Variants in SUPT3H observed in about 807,000 individuals in gnomAD.
SUPT3H encodes the protein transcription initiation protein SPT3 homolog.
A neutral mutation model predicts 44.3 loss-of-function variants in SUPT3H; 44 were observed. The observed-to-expected ratio is 0.99, with a 90% confidence interval of 0.78 to 1.28. The LOEUF (loss-of-function observed/expected upper bound fraction) is 1.28, where lower values mean the gene tolerates loss of function less well. Among genes scored for constraint, SUPT3H ranks in the 50% most tolerant of loss-of-function variants. The pLI, the probability that SUPT3H is intolerant of heterozygous loss-of-function variation, is 0.00. For missense variants in SUPT3H, 380 were observed against 387.1 expected, an observed-to-expected ratio of 0.98 and a Z score of 0.15; for synonymous variants, 124 against 125.6, an observed-to-expected ratio of 0.99 and a Z score of 0.09.
intron 6 of SUPT3H, among the ~76,000 whole-genome samples, chr6:44,997,352 G>A (rs1257401561): frequency 6.6e-6 from 1 of 151,626 alleles, no homozygotes; most frequent in Non-Finnish European, 1.5e-5. Context: ...TTAAAAATGA[G>A]TTACATATTT....
At chr6:45,054,168 G>A (rs34152708) in intron 3 of SUPT3H, among the ~76,000 whole-genome samples, 19,961 of 151,760 alleles carry the variant, frequency 0.13, 1,560 homozygotes, top group East Asian at 0.26. Flanking sequence ...CATGAACCTT[G>A]CAATGACTGA....
intron 2 of SUPT3H, among the ~76,000 whole-genome samples, chr6:45,155,059 T>C (rs761759184): frequency 8.5e-5 from 13 of 152,132 alleles, no homozygotes; most frequent in Non-Finnish European, 1.8e-4. Flanking sequence ...ACAACAAAAT[T>C]AGTGTGAAAC....
In SUPT3H at chr6:45,014,789, T is replaced by C; in HGVS notation, c.364+12A>G. The stretch of plus-strand genomic sequence containing the variant: ...AAGCTCATGTTTTAGTTTTGTGTTT[T>C]GTTTTGGTTACCTTCGAGAAGATCA... On this transcript the variant is annotated intron_variant, in intron 5 of 10. Transcript: ENST00000371459. 6.4e-7 allele frequency: 1 copy of C among 1,559,668 alleles called. No homozygotes were observed. The highest frequency in any genetic ancestry group is 8.6e-7 in the Non-Finnish European group (1 of 1,157,228).
At chr6:45,064,981 C>A (rs1319185737) in intron 3 of SUPT3H, among the ~76,000 whole-genome samples, 10 of 150,836 alleles carry the variant, frequency 6.6e-5, no homozygotes, top group African/African-American at 2.4e-4. Context: ...CTACAGAACT[C>A]TCCACCCCAA....
At chr6:45,347,480 T>TGATG (rs1791122586) in intron 2 of SUPT3H, among the ~76,000 whole-genome samples, 1 of 152,168 alleles carries the variant, frequency 6.6e-6, no homozygotes, top group Non-Finnish European at 1.5e-5. Flanking sequence ...CCATGTATCA[T>TGATG]TATAGGCAAG....
At chr6:44,933,120 T>C (rs1770858295) in intron 9 of SUPT3H, among the ~76,000 whole-genome samples, 1 of 152,188 alleles carries the variant, frequency 6.6e-6, no homozygotes, top group African/African-American at 2.4e-5. Context: ...TTTTAACATT[T>C]ATTATTATAA....
intron 3 of SUPT3H, among the ~76,000 whole-genome samples, chr6:45,087,110 A>G (rs940175400): frequency 6.6e-6 from 1 of 152,004 alleles, no homozygotes; most frequent in Non-Finnish European, 1.5e-5. Context: ...GGCTACATAA[A>G]GCATAGCAAA....
At chr6:44,939,572 T>A (rs1772061349) in intron 9 of SUPT3H, among the ~76,000 whole-genome samples, 1 of 152,162 alleles carries the variant, frequency 6.6e-6, no homozygotes, top group Non-Finnish European at 1.5e-5. Context: ...GGTAATGACC[T>A]CATAGAATTA....
intron 9 of SUPT3H, among the ~76,000 whole-genome samples, chr6:44,947,265 G>T (rs931193854): frequency 6.6e-6 from 1 of 152,072 alleles, no homozygotes; most frequent in African/African-American, 2.4e-5. Context: ...AAACAAACCT[G>T]CAATATCTCT....
At chr6:44,977,406 A>G (rs1374920161) in intron 6 of SUPT3H, among the ~76,000 whole-genome samples, 3 of 152,188 alleles carry the variant, frequency 2.0e-5, no homozygotes, top group Non-Finnish European at 4.4e-5. Flanking sequence ...TTACATTTCC[A>G]TTTATAGAAG....
intron 2 of SUPT3H, among the ~76,000 whole-genome samples, chr6:45,302,383 A>G (rs1182052532): frequency 6.6e-6 from 1 of 151,212 alleles, no homozygotes; most frequent in Admixed American, 6.6e-5. Flanking sequence ...GAGTTACTTC[A>G]TTTAGAATAA....
intron 10 of SUPT3H, among the ~76,000 whole-genome samples, chr6:44,856,935 C>T (rs1445389729): frequency 6.6e-6 from 1 of 152,100 alleles, no homozygotes; most frequent in Non-Finnish European, 1.5e-5. Flanking sequence ...TGTAATAAAT[C>T]ATGGGGACTT....
chr6:44,896,832 C>G (rs1764195381), intron 10 of SUPT3H, among the ~76,000 whole-genome samples: 1 of 152,110 alleles, frequency 6.6e-6, no homozygotes, highest in Admixed American at 6.5e-5. Flanking sequence ...TACAGCACAG[C>G]TAGACAGAGG....
chr6:45,236,348 T>G (rs1319418457), intron 2 of SUPT3H, among the ~76,000 whole-genome samples: 1 of 151,884 alleles, frequency 6.6e-6, no homozygotes, highest in Non-Finnish European at 1.5e-5. Flanking sequence ...ATCCCCGTGG[T>G]GAGTAAAAAG....
chr6:44,828,350 G>A lies in SUPT3H; in HGVS notation c.*1466C>T, dbSNP rs898343152. Among the ~76,000 whole-genome samples, 14 of 152,032 alleles carry A rather than the reference G, an allele frequency of 9.2e-5. No individual in the cohort carries two copies. The East Asian group carries it at 9.6e-4, about 10-fold the overall frequency. ...ATATTTTGATATTATATATCTATCC[G>A]TGCTTTTTGTTTCTGAAATGCAAAT... On this transcript the variant is annotated 3_prime_UTR_variant, in exon 11 of 11. Transcript: ENST00000371459.
intron 3 of SUPT3H, among the ~76,000 whole-genome samples, chr6:45,023,133 A>T (rs977759529): frequency 6.6e-6 from 1 of 152,118 alleles, no homozygotes; most frequent in Non-Finnish European, 1.5e-5. Context: ...TTTTCCAAAG[A>T]CGACATAGAT....
chr6:44,813,279 G>A (rs1303384831), intron 11 of SUPT3H, among the ~76,000 whole-genome samples: 1 of 152,130 alleles, frequency 6.6e-6, no homozygotes, highest in Non-Finnish European at 1.5e-5. Context: ...TCAAATTCCT[G>A]AGCTTAAGGG....
intron 2 of SUPT3H, among the ~76,000 whole-genome samples, chr6:45,163,488 G>A (rs1031004958): frequency 6.6e-5 from 10 of 152,000 alleles, no homozygotes; most frequent in African/African-American, 1.9e-4. Context: ...AAAAACTTAC[G>A]TAAAAGCTGG....
intron 3 of SUPT3H, among the ~76,000 whole-genome samples, chr6:45,100,166 G>C (rs944863618): frequency 7.9e-5 from 12 of 152,174 alleles, no homozygotes; most frequent in African/African-American, 2.9e-4. Flanking sequence ...AAACGCTTCG[G>C]ACATTGTTCT....
Sources: allele counts gnomAD v4.1 joint callset (sites outside exome capture counted in the v4.1 genomes callset), GRCh38; gene constraint gnomAD v4.1.1; transcripts MANE v1.5; gene names NCBI Gene and HGNC (gene_info 2026-07-23, HGNC 2026-07-21).